The following MYO3A variants were observed in gnomAD, a reference collection of about 807,000 sequenced individuals.
MYO3A encodes myosin IIIA.
Under a neutral mutation model 192.7 loss-of-function variants are expected in MYO3A, and 180 were observed. The observed-to-expected ratio is 0.93, with a 90% CI of 0.83 to 1.06. The LOEUF is 1.06. Among genes scored for constraint, MYO3A ranks in the 50% least tolerant of loss-of-function variants. MYO3A has a pLI of 0.00. For missense variants in MYO3A, 1,896 were observed against 1,905.0 expected, an observed-to-expected ratio of 1.00 and a Z score of 0.09; for synonymous variants, 628 against 645.3, an observed-to-expected ratio of 0.97 and a Z score of 0.41.
At chr10:26,013,814 C>T (rs2131026778) in intron 6 of MYO3A, among the ~76,000 whole-genome samples, 1 of 152,204 alleles carries the variant, frequency 6.6e-6, no homozygotes, top group African/African-American at 2.4e-5. Context: ...GAAAAAGACA[C>T]TTGTACTTGT....
intron 29 of MYO3A, among the ~76,000 whole-genome samples, chr10:26,171,253 T>C (rs1204393591): frequency 6.6e-6 from 1 of 152,194 alleles, no homozygotes; most frequent in African/African-American, 2.4e-5. Flanking sequence ...ACTGAGTACA[T>C]GGTCATCCAG....
At position 26,088,287 on chromosome 10, in the gene MYO3A, G is replaced by T. The variant is rs1393441773; in HGVS notation, c.1444G>T (p.Asp482Tyr). The change falls in exon 15 of 35, where the codon GAC (aspartate) becomes TAC (tyrosine). Residue 482 changes from aspartate (D) to tyrosine (Y), a missense_variant. Physicochemically the swap from Asp to Tyr is radical, Grantham distance 160 (BLOSUM62 -3). Transcript: ENST00000642920. ...TGGCAATGCCTGCACTATTATAAAT[G>T]ACAATTCTAGCAGATTTGGAAAATA... is the stretch of plus-strand genomic sequence containing the variant. ...AFGNACTIIN[D>Y]NSSRFGKYLE... 6.2e-7 allele frequency: 1 copy of T among 1,613,692 alleles called. No homozygotes were observed.
chr10:25,980,475 TA>T (rs1458802434), intron 4 of MYO3A, among the ~76,000 whole-genome samples: 35 of 152,316 alleles, frequency 2.3e-4, no homozygotes, highest in Middle Eastern at 6.8e-3. Context: ...ATGATTCTTC[TA>T]AATTCCACTT....
At chr10:26,020,124 G>A (rs562766644) in intron 7 of MYO3A, among the ~76,000 whole-genome samples, 18 of 152,064 alleles carry the variant, frequency 1.2e-4, no homozygotes, top group Non-Finnish European at 2.1e-4. Context: ...AAATGAATTG[G>A]TTAATGGTCT....
intron 6 of MYO3A, among the ~76,000 whole-genome samples, chr10:26,015,386 C>T (rs1226926001): frequency 1.3e-5 from 2 of 152,118 alleles, no homozygotes; most frequent in East Asian, 3.8e-4. Context: ...TTCTTTACTT[C>T]CTAGGGCTCC....
intron 4 of MYO3A, among the ~76,000 whole-genome samples, chr10:25,971,098 G>A (rs370129370): frequency 2.0e-5 from 3 of 150,712 alleles, no homozygotes; most frequent in Non-Finnish European, 4.5e-5. Flanking sequence ...TAGTAGAACC[G>A]TGCATTTTTT....
chr10:26,000,353 C>G (rs969247803), intron 6 of MYO3A, among the ~76,000 whole-genome samples: 11 of 152,140 alleles, frequency 7.2e-5, no homozygotes, highest in African/African-American at 2.6e-4. Flanking sequence ...TTTTTCCTGC[C>G]TGATAACATG....
At chr10:25,973,388 C>T (rs1045492469) in intron 4 of MYO3A, among the ~76,000 whole-genome samples, 8 of 152,188 alleles carry the variant, frequency 5.3e-5, no homozygotes, top group South Asian at 2.1e-4. Context: ...TGGGCCAAGA[C>T]GATGGGGTTT....
At chr10:26,126,396 C>A (rs773214714) in intron 19 of MYO3A, among the ~76,000 whole-genome samples, 1 of 152,102 alleles carries the variant, frequency 6.6e-6, no homozygotes, top group Non-Finnish European at 1.5e-5. Flanking sequence ...TTCAAGTATG[C>A]AATTCATTAT....
intron 15 of MYO3A, among the ~76,000 whole-genome samples, chr10:26,093,366 T>A (rs1249048517): frequency 6.6e-6 from 1 of 152,226 alleles, no homozygotes; most frequent in Non-Finnish European, 1.5e-5. Flanking sequence ...TTTATTATTT[T>A]GTGGTGAGAA....
intron 14 of MYO3A, among the ~76,000 whole-genome samples, chr10:26,074,648 T>A (rs1316925422): frequency 6.7e-6 from 1 of 148,826 alleles, no homozygotes; most frequent in East Asian, 1.9e-4. Flanking sequence ...TAATATAACA[T>A]GTAATATATC....
At chr10:26,170,916 C>G (rs1842016920) in intron 29 of MYO3A, among the ~76,000 whole-genome samples, 1 of 152,218 alleles carries the variant, frequency 6.6e-6, no homozygotes, top group Non-Finnish European at 1.5e-5. Context: ...TAATCACCAG[C>G]TGCTCTTTCT....
At chr10:26,075,426 G>A (rs28796333) in intron 14 of MYO3A, among the ~76,000 whole-genome samples, 21,344 of 150,932 alleles carry the variant, frequency 0.14, 1,765 homozygotes, top group East Asian at 0.35. Flanking sequence ...CCCTTGCCCT[G>A]CTCCAGTTCT....
At chr10:26,149,252 TG>T (rs1840649113) in intron 23 of MYO3A, among the ~76,000 whole-genome samples, 1 of 152,136 alleles carries the variant, frequency 6.6e-6, no homozygotes, top group African/African-American at 2.4e-5. Context: ...ATGTTTTTTT[TG>T]AGACAGAGTC....
rs532960798 is a variant in MYO3A at position 26,144,418 on chromosome 10, A to G, written c.2416+817A>G. ...CTGTGATGTTCCTTCTTTCTGACTCACTGATTGGCTTAATTTCTCCTCAAA... is the reference window on the plus strand; with the variant it reads ...CTGTGATGTTCCTTCTTTCTGACTCGCTGATTGGCTTAATTTCTCCTCAAA... On this transcript the variant is annotated intron_variant, in intron 21 of 34. Coordinates refer to ENST00000642920, the MANE Select transcript of MYO3A (RefSeq NM_017433.5). Among the ~76,000 whole-genome samples the G allele has an allele frequency of 1.5e-4, 22 of 151,700 alleles. No homozygotes were observed. The East Asian group carries it at 4.3e-3, about 29-fold the overall frequency.
At chr10:26,015,251 T>G (rs1841925131) in intron 6 of MYO3A, among the ~76,000 whole-genome samples, 1 of 152,144 alleles carries the variant, frequency 6.6e-6, no homozygotes, top group African/African-American at 2.4e-5. Context: ...ATCTTCTCAT[T>G]ATACCAACAT....
At chr10:25,999,157 C>T (rs1011916738) in intron 6 of MYO3A, among the ~76,000 whole-genome samples, 3 of 152,168 alleles carry the variant, frequency 2.0e-5, no homozygotes, top group African/African-American at 7.2e-5. Flanking sequence ...CTCGGCCTCC[C>T]AAAGGGCTGG....
chr10:25,990,404 T>C (rs140853395), intron 4 of MYO3A, among the ~76,000 whole-genome samples: 74 of 152,288 alleles, frequency 4.9e-4, no homozygotes, highest in African/African-American at 1.6e-3. Flanking sequence ...GATTAAACTA[T>C]CATAAATCAA....
intron 17 of MYO3A, among the ~76,000 whole-genome samples, chr10:26,111,074 C>T (rs1218953014): frequency 2.0e-5 from 3 of 151,984 alleles, no homozygotes; most frequent in African/African-American, 7.2e-5. Flanking sequence ...CACTATGTTG[C>T]CCAGGCTGGT....
Sources: allele counts gnomAD v4.1 joint callset (sites outside exome capture counted in the v4.1 genomes callset), GRCh38; gene constraint gnomAD v4.1.1; transcripts MANE v1.5; gene names NCBI Gene and HGNC (gene_info 2026-07-23, HGNC 2026-07-21).